Variants in TXNL4B observed in about 807,000 individuals in gnomAD.
TXNL4B encodes the protein thioredoxin-like protein 4B.
TXNL4B carries 12 observed loss-of-function variants against 13.0 expected under a neutral mutation model. That is an observed-to-expected ratio of 0.92 (90% CI 0.59 to 1.49). The LOEUF is 1.49. Ranked by LOEUF, TXNL4B falls within the 40% of genes most tolerant of loss-of-function variation. TXNL4B has a pLI of 0.00. For synonymous variants in TXNL4B, 59 were observed against 58.9 expected (o/e 1.00, Z -0.01); for missense variants, 214 against 173.6 (o/e 1.23, Z -1.31).
upstream of TXNL4B, chr16:72,093,733 C>A (rs1047522640): frequency 6.6e-6 from 1 of 152,396 alleles, no homozygotes; most frequent in Non-Finnish European, 1.5e-5. Context: ...TGCCCCCAGA[C>A]TAGAGGCGGG....
rs1221458447 is a variant in TXNL4B, at chr16:72,093,520, C to T, written c.-191G>A. The T allele has an allele frequency of 1.3e-5, 2 of 152,310 alleles. No homozygotes were observed. Among genetic ancestry groups the T allele is most frequent in the African/African-American group, 4.8e-5 (2 of 41,468 alleles). The allele number at this position is 152,310 out of a possible 1,614,324, so 9.4% of individuals were successfully genotyped here. A position where few individuals can be genotyped will look rare whatever the true frequency, so the allele number is the denominator to read the frequency against. On this transcript the variant is annotated 5_prime_UTR_variant, in exon 1 of 4. Transcript: ENST00000268483. ...CCAGGGGCTGTTGCCTAGCAACCCT[C>T]GTGGCCCCGCTAGCGGGAAGGAAAC...
chr16:72,087,007 A>G (rs1217373273), intron 3 of TXNL4B, among the ~76,000 whole-genome samples: 1 of 152,256 alleles, frequency 6.6e-6, no homozygotes, highest in Non-Finnish European at 1.5e-5. Flanking sequence ...CACTAGCATG[A>G]AAGCTCTGTC....
intron 3 of TXNL4B, among the ~76,000 whole-genome samples, chr16:72,088,771 C>T (rs568689539): frequency 4.6e-5 from 7 of 152,230 alleles, no homozygotes; most frequent in East Asian, 1.9e-4. Context: ...TGTGTATGCA[C>T]TATTAAAAAA....
chr16:72,086,938 C>A (rs993091784), intron 3 of TXNL4B, 136 bp from the exon 4 acceptor site: 1 of 691,306 alleles, frequency 1.4e-6, no homozygotes, highest in Non-Finnish European at 2.3e-6. Flanking sequence ...TAAAGCCCAA[C>A]ATTAATTTTT....
rs1270232247 is a variant in TXNL4B, at chr16:72,093,559, C to T, written c.-230G>A. 6.6e-6 allele frequency: 1 copy of T among 152,360 alleles called. No homozygotes were observed. The highest frequency in any genetic ancestry group is 1.5e-5 in the Non-Finnish European group (1 of 68,128). The allele number at this position is 152,360 out of a possible 1,614,324, so 9.4% of individuals were successfully genotyped here. ...CGGGAAGGAAACCGAACAGAAAACGCACAAGCGCAGAAAAGAAACTCCTGG... is the reference window on the plus strand; with the variant it reads ...CGGGAAGGAAACCGAACAGAAAACGTACAAGCGCAGAAAAGAAACTCCTGG... On this transcript the variant is annotated 5_prime_UTR_variant, in exon 1 of 4. Coordinates refer to ENST00000268483, the MANE Select transcript of TXNL4B (RefSeq NM_017853.3).
Position 72,090,644 on chromosome 16 carries a change from G to T in TXNL4B, c.106C>A (p.Pro36Thr), listed in dbSNP as rs762563687. ...LVLRFGRDED[P>T]VCLQLDDILS... ...ATATCATCTAGCTGCAGACAGACAG[G>T]ATCTTCATCTCTCCCAAACCTGAGA... The change falls in exon 2 of 4, where the codon CCT becomes ACT. Residue 36 changes from proline (P) to threonine (T), a missense_variant. Transcript: ENST00000268483. 4 of 1,613,972 alleles carry T rather than the reference G, an allele frequency of 2.5e-6. No individual in the cohort carries two copies. In the African/African-American group the frequency reaches 5.3e-5, roughly 22 times the overall value.
chr16:72,084,942 T>C lies in TXNL4B; in HGVS notation c.*1695A>G, dbSNP rs928615998. ...TGCAGGAGCTCAATAACATCAGAGA[T>C]TGGGCTCTTTTTGTTCTTCTTAGCA... On this transcript the variant is annotated 3_prime_UTR_variant, in exon 4 of 4. Coordinates refer to ENST00000268483, the MANE Select transcript of TXNL4B (RefSeq NM_017853.3). The C allele has an allele frequency of 5.0e-6, 2 of 398,536 alleles. No individual in the cohort carries two copies. Among genetic ancestry groups the C allele is most frequent in the Non-Finnish European group, 8.8e-6 (2 of 226,038 alleles). The allele number at this position is 398,536 out of a possible 1,614,324, so 24.7% of individuals were successfully genotyped here.
chr16:72,087,362 GTGTGTGTA>G (rs2041839008), intron 3 of TXNL4B: 1 of 149,716 alleles, frequency 6.7e-6, no homozygotes, highest in Non-Finnish European at 1.5e-5. Context: ...GTGTGTGTGT[GTGTGTGTA>G]TGTGCAGATA....
intron 1 of TXNL4B, among the ~76,000 whole-genome samples, chr16:72,091,727 C>T (rs1040572622): frequency 6.6e-6 from 1 of 152,110 alleles, no homozygotes; most frequent in African/African-American, 2.4e-5. Context: ...TCGTGTGCAC[C>T]TTACTAGGTG....
chr16:72,090,827 G>A, intron 1 of TXNL4B, 41 bp from the exon 2 acceptor site: 2 of 1,544,906 alleles, frequency 1.3e-6, no homozygotes, highest in South Asian at 1.2e-5. Flanking sequence ...TTTAGATTAA[G>A]TGCGTGAGCC....
intron 2 of TXNL4B, among the ~76,000 whole-genome samples, chr16:72,089,527 T>C (rs955156513): frequency 1.3e-5 from 2 of 152,194 alleles, no homozygotes; most frequent in African/African-American, 4.8e-5. Context: ...TGCCATCCCG[T>C]GTTAAGAGCT....
rs1326044936 is a variant in TXNL4B, at chr16:72,089,847, T to C, written c.133-709A>G. 2.0e-5 allele frequency among the ~76,000 whole-genome samples: 3 copies of C among 152,228 alleles called. No individual in the cohort carries two copies. In the East Asian group the frequency reaches 5.8e-4, roughly 29 times the overall value. On this transcript the variant is annotated intron_variant, in intron 2 of 3. Coordinates refer to ENST00000268483, the MANE Select transcript of TXNL4B (RefSeq NM_017853.3). ...ATATGCTATCAGAGTCCCCATTTTA[T>C]AGATAGGGAAACTGAGGCACAGGAA...
Position 72,089,078 on chromosome 16 carries a change from G to A in TXNL4B, c.193C>T (p.Gln65Ter). Residue 65 changes from glutamine to a stop codon, truncating the protein, a stop_gained, in exon 3 of 4, where the codon CAA becomes TAA. Coordinates refer to ENST00000268483, the MANE Select transcript of TXNL4B (RefSeq NM_017853.3). LOFTEE classifies it high-confidence loss of function. ...AAATACTGTGTATAAACTGCAGTTTGGTCCACATCTACCAGGTATATAGCA... is the reference window on the plus strand; with the variant it reads ...AAATACTGTGTATAAACTGCAGTTTAGTCCACATCTACCAGGTATATAGCA... ...MAAIYLVDVDQTAVYTQYFDI... is the reference protein window; with the variant it reads ...MAAIYLVDVD 2 of 1,611,476 alleles carry A rather than the reference G, an allele frequency of 1.2e-6. No homozygotes were observed. Among genetic ancestry groups the A allele is most frequent in the Non-Finnish European group, 1.7e-6 (2 of 1,177,696 alleles).
chr16:72,085,610 C>T lies in TXNL4B; in HGVS notation c.*1027G>A, dbSNP rs1272808574. ...AGAGGCAGCAGCTTCTGGGAAAAATCTGCTCCTGCTAAGGTGGCTCATTCA... is the reference window on the plus strand; with the variant it reads ...AGAGGCAGCAGCTTCTGGGAAAAATTTGCTCCTGCTAAGGTGGCTCATTCA... On this transcript the variant is annotated 3_prime_UTR_variant, in exon 4 of 4. Coordinates refer to ENST00000268483, the MANE Select transcript of TXNL4B (RefSeq NM_017853.3). 6.6e-6 allele frequency: 1 copy of T among 152,190 alleles called. No homozygotes were observed. Among genetic ancestry groups the T allele is most frequent in the African/African-American group, 2.4e-5 (1 of 41,438 alleles). The allele number at this position is 152,190 out of a possible 1,614,324, so 9.4% of individuals were successfully genotyped here.
At position 72,090,740 on chromosome 16, in the gene TXNL4B, G is replaced by A; in HGVS notation, c.10C>T (p.Leu4=). 1 of 1,613,976 alleles carries A rather than the reference G, an allele frequency of 6.2e-7. No individual in the cohort carries two copies. Among genetic ancestry groups the A allele is most frequent in the East Asian group, 2.2e-5 (1 of 44,872 alleles). MSF[L]LPKLTSKKEV... ...TTTTTGCTAGTCAGCTTGGGCAGTA[G>A]GAAGCTCATCTTGAAATAACCCAAA... The change falls in exon 2 of 4, where the codon CTA becomes TTA. Residue 4 remains leucine (L), a synonymous_variant. Transcript: ENST00000268483.
chr16:72,088,637 ATTT>A (rs1275471496), intron 3 of TXNL4B, among the ~76,000 whole-genome samples: 1 of 152,230 alleles, frequency 6.6e-6, no homozygotes, highest in Non-Finnish European at 1.5e-5. Context: ...TCCTGGGAAA[ATTT>A]TAAGAGTTCT....
Position 72,086,414 on chromosome 16 carries a change from AC to A in TXNL4B, c.*222del, listed in dbSNP as rs1381161087. On this transcript the variant is annotated 3_prime_UTR_variant, in exon 4 of 4. Transcript: ENST00000268483. ...ACTGTGGGGAAAATGAACACCAATGACTTGGCTGCTCTGAGGCTTGCAGGGA... is the reference window on the plus strand; with the variant it reads ...ACTGTGGGGAAAATGAACACCAATGATTGGCTGCTCTGAGGCTTGCAGGGA... The A allele has an allele frequency of 3.7e-5, 15 of 407,008 alleles. No homozygotes were observed. The highest frequency in any genetic ancestry group is 1.3e-5 in the Non-Finnish European group (3 of 226,878). The allele number at this position is 407,008 out of a possible 1,614,324, so 25.2% of individuals were successfully genotyped here.
chr16:72,092,543 G>C (rs1364878743), intron 1 of TXNL4B, among the ~76,000 whole-genome samples: 1 of 152,176 alleles, frequency 6.6e-6, no homozygotes, highest in Non-Finnish European at 1.5e-5. Context: ...GTGAGCAGCA[G>C]AACAAATTAC....
intron 2 of TXNL4B, chr16:72,090,210 G>C: frequency 6.6e-6 from 3 of 457,184 alleles, no homozygotes. Flanking sequence ...ACAGAAAACT[G>C]AGTTCAAATC....
Sources: gnomAD v4.1 joint callset for allele counts (sites outside exome capture counted in the v4.1 genomes callset) on GRCh38, gnomAD v4.1.1 for gene constraint, MANE v1.5 for transcripts, NCBI Gene and HGNC (gene_info 2026-07-23, HGNC 2026-07-21) for gene names.